The following JAK3 variants were observed in gnomAD, a reference collection of about 807,000 sequenced individuals.
The protein encoded by JAK3 is Janus kinase 3.
A neutral mutation model predicts 120.8 loss-of-function variants in JAK3; 88 were observed. The observed-to-expected ratio is 0.73, with a 90% CI of 0.61 to 0.87. The LOEUF is 0.87. Ranked by LOEUF, JAK3 falls within the 40% of genes least tolerant of loss-of-function variation. JAK3 has a pLI of 0.00. For synonymous variants in JAK3, 592 were observed against 628.6 expected (o/e 0.94, Z 0.87); for missense variants, 1,254 against 1,501.4 (o/e 0.84, Z 2.72).
rs923312659 is a variant in JAK3, at chr19:17,843,183, G to A, written c.421-11C>T. 27 of 1,599,304 alleles carry A rather than the reference G, an allele frequency of 1.7e-5. No individual in the cohort carries two copies. Among genetic ancestry groups the A allele is most frequent in the Non-Finnish European group, 2.0e-5 (24 of 1,176,100 alleles). On this transcript the variant is annotated splice_polypyrimidine_tract_variant and intron_variant, in intron 4 of 23. Transcript: ENST00000458235. This position sits in a 1 kb window ranked among gnomAD's most constrained non-coding sequence, Gnocchi z 5.4. The stretch of plus-strand genomic sequence containing the variant: ...CAGGTCACTGCGGTGCTGGGGGGCC[G>A]CCACAGGGAGCATCAGCTGAGGCCA...
chr19:17,832,724 A>G lies in JAK3; in HGVS notation c.2491-16T>C. On this transcript the variant is annotated splice_polypyrimidine_tract_variant and intron_variant, in intron 18 of 23. Coordinates refer to ENST00000458235, the MANE Select transcript of JAK3 (RefSeq NM_000215.4). This position sits in a 1 kb window ranked among gnomAD's most constrained non-coding sequence, Gnocchi z 4.7. ...CAAAGTTGCCCTGGGGGATAGCGGG[A>G]CTGATGTCCAGGCACCTGGATGCTG... 6.2e-7 allele frequency: 1 copy of G among 1,614,194 alleles called. No homozygotes were observed. Among genetic ancestry groups the G allele is most frequent in the Non-Finnish European group, 8.5e-7 (1 of 1,180,030 alleles).
At chr19:17,847,883 C>A in intron 1 of JAK3, 63 bp downstream of exon 1, 144 of 542,138 alleles carry the variant, frequency 2.7e-4, no homozygotes, top group South Asian at 4.1e-4. Flanking sequence ...GCCCAGCCAT[C>A]CCCCGCCACC....
At chr19:17,846,328 A>G (rs75501048) in intron 1 of JAK3, among the ~76,000 whole-genome samples, 2,649 of 152,182 alleles carry the variant, frequency 0.017, 112 homozygotes, top group Admixed American at 0.11. Context: ...ACCAAACAGG[A>G]AGGGCAATTG....
Position 17,830,091 on chromosome 19 carries a change from A to G in JAK3, c.3207+17T>C. 2.6e-6 allele frequency: 4 copies of G among 1,542,064 alleles called. No individual in the cohort carries two copies. The highest frequency in any genetic ancestry group is 3.5e-6 in the Non-Finnish European group (4 of 1,136,930). On this transcript the variant is annotated intron_variant, in intron 23 of 23. Coordinates refer to ENST00000458235, the MANE Select transcript of JAK3 (RefSeq NM_000215.4). ...ATCTACAGACTGGGAAACTGAGGCT[A>G]GCCCTGCGGCGCTCACCTCAGCAGG... is the stretch of plus-strand genomic sequence containing the variant.
chr19:17,830,067 T>C, intron 23 of JAK3, 41 bp downstream of exon 23: 1 of 1,464,884 alleles, frequency 6.8e-7, no homozygotes, highest in Non-Finnish European at 9.3e-7. Flanking sequence ...CCCGGCCCAA[T>C]CTACAGACTG....
rs201917022 is a variant in JAK3 at position 17,844,325 on chromosome 19, G to A, written c.93C>T (p.Pro31=). The stretch of plus-strand genomic sequence containing the variant: ...GCTGGGGGGGCCCGGGGCCCCGAGC[G>A]GGCAGCAGCACATGCAGGGCACCAG... ...TEAGALHVLL[P]ARGPGPPQRL... Residue 31 remains proline, a synonymous_variant, in exon 2 of 24, where the codon CCC becomes CCT. Coordinates refer to ENST00000458235, the MANE Select transcript of JAK3 (RefSeq NM_000215.4). The A allele has an allele frequency of 6.8e-6, 11 of 1,610,526 alleles. No individual in the cohort carries two copies. Among genetic ancestry groups the A allele is most frequent in the Middle Eastern group, 1.7e-4 (1 of 5,842 alleles).
rs181291782 is a variant in JAK3, at chr19:17,831,969, T to C, written c.2681-171A>G. Among the ~76,000 whole-genome samples the C allele has an allele frequency of 1.1e-4, 17 of 152,330 alleles. No individual in the cohort carries two copies. The highest frequency in any genetic ancestry group is 1.0e-3 in the Admixed American group (16 of 15,308). On this transcript the variant is annotated intron_variant, in intron 19 of 23. Transcript: ENST00000458235. The surrounding 1 kb of genome is among the most constrained non-coding windows in gnomAD (Gnocchi z 5.1). ...TATCTCTTGAGTACTTTCTACAACA[T>C]ACATTGATGTGTTTATATATCACGG...
At chr19:17,830,268 G>C in intron 22 of JAK3, 50 bp from the exon 23 acceptor site, 1 of 1,397,886 alleles carries the variant, frequency 7.2e-7, no homozygotes, top group Admixed American at 2.0e-5. Context: ...TCCGTGGGTG[G>C]AGGGGGAGGG....
intron 8 of JAK3, 150 bp from the exon 9 acceptor site, chr19:17,840,491 C>T (rs1302429670): frequency 4.6e-6 from 3 of 649,252 alleles, no homozygotes; most frequent in Admixed American, 2.3e-5. Context: ...GGGCCAGGCG[C>T]CGTGGCTCAC....
chr19:17,834,909 C>T lies in JAK3; in HGVS notation c.2142G>A (p.Thr714=), dbSNP rs1473714442. The change falls in exon 16 of 24, where the codon ACG becomes ACA. Residue 714 remains threonine, a synonymous_variant. Coordinates refer to ENST00000458235, the MANE Select transcript of JAK3 (RefSeq NM_000215.4). ...TGACGCCACTAAACACTTCCCAGACCGTGGCGCCGAAGCCCCACTTGTCAG... is the reference window on the plus strand; with the variant it reads ...TGACGCCACTAAACACTTCCCAGACTGTGGCGCCGAAGCCCCACTTGTCAG... ...LEADKWGFGA[T]VWEVFSGVTM... is the part of the protein sequence containing the mutation. The T allele has an allele frequency of 6.2e-6, 10 of 1,614,024 alleles. No individual in the cohort carries two copies. Among genetic ancestry groups the T allele is most frequent in the African/African-American group, 4.0e-5 (3 of 74,914 alleles).
At chr19:17,838,143 G>C (rs1363072732) in intron 11 of JAK3, 80 bp from the exon 12 acceptor site, 1 of 1,612,042 alleles carries the variant, frequency 6.2e-7, no homozygotes. Flanking sequence ...ATAGCTGCTG[G>C]CCCCATTTTA....
chr19:17,831,140 C>G lies in JAK3; in HGVS notation c.2978+88G>C. 1.5e-6 allele frequency: 2 copies of G among 1,334,914 alleles called. No homozygotes were observed. The allele number at this position is 1,334,914 out of a possible 1,614,324, so 82.7% of individuals were successfully genotyped here. ...GAAGGGCGGGGCTAAGGCTGGGGAGCAAAGCAGCGGGAGGGGGCGGGGGCA... is the reference window on the plus strand; with the variant it reads ...GAAGGGCGGGGCTAAGGCTGGGGAGGAAAGCAGCGGGAGGGGGCGGGGGCA... On this transcript the variant is annotated intron_variant, in intron 21 of 23. Coordinates refer to ENST00000458235, the MANE Select transcript of JAK3 (RefSeq NM_000215.4). The surrounding 1 kb of genome is among the most constrained non-coding windows in gnomAD (Gnocchi z 5.1).
At chr19:17,840,956 T>TCC (rs2094236977) in intron 8 of JAK3, among the ~76,000 whole-genome samples, 2 of 139,316 alleles carry the variant, frequency 1.4e-5, no homozygotes, top group African/African-American at 6.8e-5. Flanking sequence ...TCGCTGGGAC[T>TCC]ACAGGTCAAC....
At chr19:17,839,084 G>A (rs1031511778) in intron 10 of JAK3, 6 of 361,978 alleles carry the variant, frequency 1.7e-5, no homozygotes, top group Non-Finnish European at 3.2e-5. Context: ...GACAAGGAAG[G>A]AAGGAGCCCT....
rs1295063890 is a variant in JAK3 at position 17,831,671 on chromosome 19, C to T, written c.2805+3G>A. On this transcript the variant is annotated splice_donor_region_variant and intron_variant, in intron 20 of 23. Transcript: ENST00000458235. This position sits in a 1 kb window ranked among gnomAD's most constrained non-coding sequence, Gnocchi z 5.1. ...CCACAAGTCCCGGGGCGCCCCCTCG[C>T]ACCTTGCAGATCTGCGAGGAATAGA... is the stretch of plus-strand genomic sequence containing the variant. The T allele has an allele frequency of 6.8e-6, 11 of 1,606,624 alleles. No individual in the cohort carries two copies. Among genetic ancestry groups the T allele is most frequent in the Non-Finnish European group, 7.6e-6 (9 of 1,177,340 alleles).
chr19:17,845,628 AGTCCTAG>A (rs2094250437), intron 1 of JAK3, among the ~76,000 whole-genome samples: 1 of 152,152 alleles, frequency 6.6e-6, no homozygotes, highest in African/African-American at 2.4e-5. Flanking sequence ...ACACCCCCAT[AGTCCTAG>A]CTACTTGGGA....
In JAK3 at chr19:17,827,189, G is replaced by C. The variant is rs1342714318; in HGVS notation, c.3208-279C>G. On this transcript the variant is annotated intron_variant, in intron 23 of 23. Transcript: ENST00000458235. The stretch of plus-strand genomic sequence containing the variant: ...AGACAGGGTTTCACCATGTTGGCCA[G>C]GTTGGTCTCAAATTCCTGATCTCAG... 2.0e-5 allele frequency among the ~76,000 whole-genome samples: 3 copies of C among 151,958 alleles called. No individual in the cohort carries two copies. In the East Asian group the frequency reaches 5.8e-4, roughly 29 times the overall value.
intron 1 of JAK3, among the ~76,000 whole-genome samples, chr19:17,846,041 C>T (rs1165279878): frequency 1.3e-5 from 2 of 152,038 alleles, no homozygotes; most frequent in Admixed American, 1.3e-4. Context: ...TGGTCTGGAA[C>T]TCCTGACCTC....
chr19:17,847,279 T>A (rs1474196350), intron 1 of JAK3, among the ~76,000 whole-genome samples: 1 of 152,100 alleles, frequency 6.6e-6, no homozygotes, highest in Non-Finnish European at 1.5e-5. Flanking sequence ...GGCAGCAGGA[T>A]AGCTTGAGGC....
Sources: gnomAD v4.1 joint callset for allele counts (sites outside exome capture counted in the v4.1 genomes callset) on GRCh38, gnomAD v4.1.1 for gene constraint, Gnocchi (gnomAD v3.1) non-coding constraint, MANE v1.5 for transcripts, NCBI Gene and HGNC (gene_info 2026-07-23, HGNC 2026-07-21) for gene names.